The following FLT1 variants were observed in gnomAD, a reference collection of about 807,000 sequenced individuals.
FLT1 encodes vascular endothelial growth factor receptor 1.
A neutral mutation model predicts 156.3 loss-of-function variants in FLT1; 49 were observed. The observed-to-expected ratio is 0.31, with a 90% CI of 0.25 to 0.40. FLT1 has a LOEUF of 0.40. Among genes scored for constraint, FLT1 ranks in the 10% least tolerant of loss-of-function variants. The pLI is 1.00. For missense variants in FLT1, 1,322 were observed against 1,637.2 expected, an observed-to-expected ratio of 0.81 and a Z score of 3.32; for synonymous variants, 594 against 583.8, an observed-to-expected ratio of 1.02 and a Z score of -0.25.
In FLT1 at chr13:28,301,926, T is replaced by G. The variant is rs1287913845; in HGVS notation, c.*1241A>C. 8.6e-6 allele frequency: 2 copies of G among 233,524 alleles called. No individual in the cohort carries two copies. Among genetic ancestry groups the G allele is most frequent in the Non-Finnish European group, 1.7e-5 (2 of 117,998 alleles). 14.5% of individuals were successfully genotyped at this position (233,524 alleles called of 1,614,324 possible). ...TTTTACTCAAGGAGCTTAAAGTGCT[T>G]AATATGCGCCAGCTAATGCTCTTCC... On this transcript the variant is annotated 3_prime_UTR_variant, in exon 30 of 30. Transcript: ENST00000282397.
At position 28,486,286 on chromosome 13, in the gene FLT1, G is replaced by T. The variant is rs767782869; in HGVS notation, c.64+8494C>A. The stretch of plus-strand genomic sequence containing the variant: ...TTTCACACGATGGGAGGCCAGCTCT[G>T]TCTCCAACCAGCAGTAGCTTTTCAC... On this transcript the variant is annotated intron_variant, in intron 1 of 29. Transcript: ENST00000282397. Among the ~76,000 whole-genome samples, 12 of 152,256 alleles carry T rather than the reference G, an allele frequency of 7.9e-5. 1 individual carries two copies. The highest frequency in any genetic ancestry group is 1.5e-5 in the Non-Finnish European group (1 of 68,050).
chr13:28,333,879 A>G (rs1163935796), intron 18 of FLT1, 146 bp downstream of exon 18: 2 of 727,372 alleles, frequency 2.7e-6, no homozygotes, highest in African/African-American at 3.5e-5. Context: ...ACTCGTGAGC[A>G]AAGAGGCCTC....
chr13:28,360,607 G>C (rs1873077694), intron 14 of FLT1, among the ~76,000 whole-genome samples: 1 of 152,180 alleles, frequency 6.6e-6, no homozygotes, highest in Non-Finnish European at 1.5e-5. Flanking sequence ...AATGCTGCAT[G>C]ATTTCACTTA....
chr13:28,303,109 A>G lies in FLT1; in HGVS notation c.*58T>C. On this transcript the variant is annotated 3_prime_UTR_variant, in exon 30 of 30. Coordinates refer to ENST00000282397, the MANE Select transcript of FLT1 (RefSeq NM_002019.4). ...TATATGCATAATACTGGCAAAAGCT[A>G]GTTTCCTGGGGGTATAAATACACAT... 1.3e-6 allele frequency: 2 copies of G among 1,488,208 alleles called. No individual in the cohort carries two copies. Among genetic ancestry groups the G allele is most frequent in the Middle Eastern group, 1.7e-4 (1 of 5,866 alleles). The allele number at this position is 1,488,208 out of a possible 1,614,324, so 92.2% of individuals were successfully genotyped here. A position where few individuals can be genotyped will look rare whatever the true frequency, so the allele number is the denominator to read the frequency against.
intron 1 of FLT1, among the ~76,000 whole-genome samples, chr13:28,473,644 CAAAAGAAA>C (rs1184408659): frequency 2.7e-4 from 30 of 112,720 alleles, no homozygotes; most frequent in South Asian, 6.0e-4. Context: ...GACTATATCT[CAAAAGAAA>C]GAAAGAAAGA....
intron 13 of FLT1, 136 bp from the exon 14 acceptor site, chr13:28,385,167 C>G: frequency 2.2e-6 from 2 of 892,228 alleles, no homozygotes; most frequent in South Asian, 1.5e-5. Context: ...TTCACTTTCT[C>G]TTCAATCATT....
chr13:28,477,702 G>A (rs1372524260), intron 1 of FLT1, among the ~76,000 whole-genome samples: 1 of 152,184 alleles, frequency 6.6e-6, no homozygotes, highest in East Asian at 1.9e-4. Flanking sequence ...TCAGTGGCAG[G>A]ACACTTTTAC....
At chr13:28,336,072 T>C (rs1872105102) in intron 17 of FLT1, among the ~76,000 whole-genome samples, 1 of 152,204 alleles carries the variant, frequency 6.6e-6, no homozygotes, top group Non-Finnish European at 1.5e-5. Context: ...ATCCAGATCT[T>C]TTCTCCTTAC....
chr13:28,414,600 G>A (rs1031605074), intron 10 of FLT1, among the ~76,000 whole-genome samples: 2 of 152,210 alleles, frequency 1.3e-5, no homozygotes, highest in African/African-American at 2.4e-5. Flanking sequence ...AATGTTAGTT[G>A]TCAGTTTATT....
chr13:28,392,844 A>G (rs1874820368), intron 12 of FLT1, among the ~76,000 whole-genome samples: 2 of 152,202 alleles, frequency 1.3e-5, no homozygotes, highest in South Asian at 2.1e-4. Flanking sequence ...TGTTTCTTAT[A>G]TAGGGGACAT....
chr13:28,435,558 C>G (rs1025257703), intron 4 of FLT1, among the ~76,000 whole-genome samples: 32 of 152,176 alleles, frequency 2.1e-4, no homozygotes, highest in African/African-American at 7.5e-4. Context: ...CAAACAGCCA[C>G]AAAGAAGCTC....
intron 27 of FLT1, among the ~76,000 whole-genome samples, chr13:28,309,683 C>T (rs1870914591): frequency 7.3e-6 from 1 of 137,356 alleles, no homozygotes; most frequent in Admixed American, 7.3e-5. Context: ...TCTCTCTAAC[C>T]CAGCCAGACC....
chr13:28,466,203 T>C (rs1426261029), intron 3 of FLT1, among the ~76,000 whole-genome samples: 12 of 152,184 alleles, frequency 7.9e-5, no homozygotes, highest in Non-Finnish European at 1.5e-4. Flanking sequence ...CTTAAAAGAT[T>C]TTGCATTTCT....
At chr13:28,404,462 G>A (rs751603765) in intron 11 of FLT1, among the ~76,000 whole-genome samples, 5 of 152,206 alleles carry the variant, frequency 3.3e-5, no homozygotes, top group Non-Finnish European at 5.9e-5. Context: ...GCCAAAGAAT[G>A]ATGGTGACAT....
intron 25 of FLT1, among the ~76,000 whole-genome samples, chr13:28,313,902 A>G (rs1593671376): frequency 1.1e-5 from 1 of 87,760 alleles, no homozygotes; most frequent in Non-Finnish European, 2.9e-5. Context: ...AAAAAAAAAA[A>G]AAAAAAAGAA....
intron 12 of FLT1, among the ~76,000 whole-genome samples, chr13:28,393,180 G>A (rs1189940655): frequency 6.6e-6 from 1 of 152,120 alleles, no homozygotes; most frequent in Non-Finnish European, 1.5e-5. Flanking sequence ...ATCTTATGAG[G>A]TGTCATGGAG....
At position 28,427,186 on chromosome 13, in the gene FLT1, G is replaced by A; in HGVS notation, c.1409C>T (p.Pro470Leu). The A allele has an allele frequency of 1.2e-6, 2 of 1,614,096 alleles. No homozygotes were observed. The highest frequency in any genetic ancestry group is 1.7e-6 in the Non-Finnish European group (2 of 1,179,932). ...TGCTTCGGAATGATTATGGTTACAG[G>A]GGTGCCAGAACCACTTGATTGTAGG... ...PQPTIKWFWHPCNHNHSEARC... is the reference protein window; with the variant it reads ...PQPTIKWFWHLCNHNHSEARC... The change falls in exon 10 of 30, where the codon CCC (proline) becomes CTC (leucine). Residue 470 changes from proline (P) to leucine (L), a missense_variant. Coordinates refer to ENST00000282397, the MANE Select transcript of FLT1 (RefSeq NM_002019.4).
intron 1 of FLT1, among the ~76,000 whole-genome samples, chr13:28,473,843 AAAG>A (rs1416869745): frequency 6.9e-6 from 1 of 144,696 alleles, no homozygotes; most frequent in Non-Finnish European, 1.5e-5. Context: ...AGAAAGGAAG[AAAG>A]AAAGAAAGAA....
chr13:28,363,249 C>A (rs1441526030), intron 14 of FLT1, among the ~76,000 whole-genome samples: 3 of 152,130 alleles, frequency 2.0e-5, no homozygotes, highest in African/African-American at 7.2e-5. Flanking sequence ...TGAGCACTTT[C>A]AAAAATGTTA....
Sources: allele counts gnomAD v4.1 joint callset (sites outside exome capture counted in the v4.1 genomes callset), GRCh38; gene constraint gnomAD v4.1.1; transcripts MANE v1.5; gene names NCBI Gene and HGNC (gene_info 2026-07-23, HGNC 2026-07-21).